The following KCNMA1 variants were observed in gnomAD, a reference collection of about 807,000 sequenced individuals.
KCNMA1 encodes the protein Calcium-activated potassium channel subunit alpha-1.
Under a neutral mutation model 140.0 loss-of-function variants are expected in KCNMA1, and 29 were observed. The observed-to-expected ratio is 0.21, with a 90% CI of 0.15 to 0.28. The LOEUF (loss-of-function observed/expected upper bound fraction) is 0.28, where lower values mean the gene tolerates loss of function less well. Ranked by LOEUF, KCNMA1 falls within the 10% of genes least tolerant of loss-of-function variation. The pLI, the probability that KCNMA1 is intolerant of heterozygous loss-of-function variation, is 1.00. For missense variants in KCNMA1, 880 were observed against 1,602.2 expected, an observed-to-expected ratio of 0.55 and a Z score of 7.70; for synonymous variants, 612 against 611.9, an observed-to-expected ratio of 1.00 and a Z score of 0.00.
intron 23 of KCNMA1, among the ~76,000 whole-genome samples, chr10:76,942,405 T>C (rs2062757455): frequency 6.6e-6 from 1 of 152,136 alleles, no homozygotes; most frequent in South Asian, 2.1e-4. Context: ...AGGTGGAGGG[T>C]ACAAAAACAT....
intron 1 of KCNMA1, among the ~76,000 whole-genome samples, chr10:77,572,470 C>T (rs1413937189): frequency 1.4e-5 from 2 of 146,476 alleles, no homozygotes; most frequent in Non-Finnish European, 3.0e-5. Flanking sequence ...ATCAATAATA[C>T]GTTTGGGAGG....
chr10:76,999,976 A>G (rs566681156), intron 19 of KCNMA1, among the ~76,000 whole-genome samples: 111 of 152,212 alleles, frequency 7.3e-4, no homozygotes, highest in Admixed American at 1.2e-3. Flanking sequence ...CCTGAGCCCT[A>G]GAGGCCTCAT....
chr10:77,371,468 T>A (rs1055290233), intron 2 of KCNMA1, among the ~76,000 whole-genome samples: 5 of 152,184 alleles, frequency 3.3e-5, no homozygotes, highest in African/African-American at 7.2e-5. Flanking sequence ...CCTGGGCTGA[T>A]TTTAATATTT....
intron 25 of KCNMA1, among the ~76,000 whole-genome samples, chr10:76,892,262 G>A (rs146619821): frequency 2.6e-5 from 4 of 152,218 alleles, no homozygotes; most frequent in South Asian, 2.1e-4. Flanking sequence ...TAAATATGCC[G>A]GATAAATTTA....
intron 1 of KCNMA1, among the ~76,000 whole-genome samples, chr10:77,472,411 C>A (rs1014200233): frequency 6.6e-6 from 1 of 150,972 alleles, no homozygotes; most frequent in Non-Finnish European, 1.5e-5. Flanking sequence ...CAGACACATA[C>A]ACATAGCACA....
intron 1 of KCNMA1, among the ~76,000 whole-genome samples, chr10:77,527,461 G>A (rs2056187657): frequency 6.6e-6 from 1 of 152,214 alleles, no homozygotes; most frequent in Non-Finnish European, 1.5e-5. Context: ...GAGAGGGGAA[G>A]AAGGCACTCT....
chr10:77,188,412 T>C (rs1393943955), intron 3 of KCNMA1, among the ~76,000 whole-genome samples: 2 of 152,164 alleles, frequency 1.3e-5, no homozygotes, highest in African/African-American at 4.8e-5. Context: ...TTAGAGAATA[T>C]AAGATACTTG....
intron 2 of KCNMA1, among the ~76,000 whole-genome samples, chr10:77,264,781 C>G (rs2062965832): frequency 6.6e-6 from 1 of 152,166 alleles, no homozygotes; most frequent in Non-Finnish European, 1.5e-5. Flanking sequence ...ACAGCCCCAG[C>G]CTGATCACCA....
intron 20 of KCNMA1, among the ~76,000 whole-genome samples, chr10:76,959,417 T>C (rs1243329183): frequency 6.6e-6 from 1 of 152,230 alleles, no homozygotes; most frequent in African/African-American, 2.4e-5. Flanking sequence ...ACCTATTACT[T>C]GCTAAGTTGT....
At chr10:77,572,592 AT>A (rs2071977187) in intron 1 of KCNMA1, among the ~76,000 whole-genome samples, 1 of 102,294 alleles carries the variant, frequency 9.8e-6, no homozygotes, top group Non-Finnish European at 2.0e-5. Context: ...ATATATATAT[AT>A]ATATATATAT....
At chr10:77,385,688 T>C (rs2095577016) in intron 2 of KCNMA1, among the ~76,000 whole-genome samples, 1 of 152,164 alleles carries the variant, frequency 6.6e-6, no homozygotes, top group African/African-American at 2.4e-5. Context: ...GAGGTAGGAT[T>C]TGAACACATG....
At chr10:76,994,834 C>A (rs2083734011) in intron 19 of KCNMA1, among the ~76,000 whole-genome samples, 1 of 152,148 alleles carries the variant, frequency 6.6e-6, no homozygotes, top group African/African-American at 2.4e-5. Context: ...TGACAAGCAT[C>A]CATCTCCGAT....
chr10:77,222,667 T>G (rs1367792944), intron 3 of KCNMA1, among the ~76,000 whole-genome samples: 1 of 152,234 alleles, frequency 6.6e-6, no homozygotes, highest in Non-Finnish European at 1.5e-5. Context: ...TCTGCTCCTG[T>G]TGTATGGGCT....
chr10:77,121,819 C>A (rs905056704), intron 5 of KCNMA1, among the ~76,000 whole-genome samples: 25 of 152,320 alleles, frequency 1.6e-4, no homozygotes, highest in African/African-American at 6.0e-4. Context: ...AATTATATTT[C>A]TGTTCAGGTG....
chr10:77,537,748 TC>T (rs1176701080), intron 1 of KCNMA1, among the ~76,000 whole-genome samples: 8 of 151,984 alleles, frequency 5.3e-5, no homozygotes, highest in African/African-American at 1.9e-4. Flanking sequence ...TAAGGAGCCA[TC>T]AGAGTCTCGG....
At chr10:77,567,453 C>A (rs190669379) in intron 1 of KCNMA1, among the ~76,000 whole-genome samples, 104 of 152,314 alleles carry the variant, frequency 6.8e-4, no homozygotes, top group East Asian at 5.0e-3. Flanking sequence ...CAAATCCTAG[C>A]CCCTGGAGGA....
At chr10:77,473,723 C>T (rs375670930) in intron 1 of KCNMA1, among the ~76,000 whole-genome samples, 4 of 152,162 alleles carry the variant, frequency 2.6e-5, no homozygotes, top group African/African-American at 7.2e-5. Flanking sequence ...GAATCCCTGA[C>T]TCGACAGAGT....
At chr10:77,118,775 A>AGG (rs1462848759) in intron 6 of KCNMA1, among the ~76,000 whole-genome samples, 5 of 152,168 alleles carry the variant, frequency 3.3e-5, no homozygotes. Context: ...CATCAGCATT[A>AGG]ACCACACCGT....
intron 2 of KCNMA1, among the ~76,000 whole-genome samples, chr10:77,286,778 G>C (rs947981824): frequency 4.1e-5 from 3 of 72,414 alleles, no homozygotes; most frequent in African/African-American, 1.6e-4. Flanking sequence ...GGGGGGGGGG[G>C]GGGGTTCCAT....
Sources: allele counts gnomAD v4.1 joint callset (sites outside exome capture counted in the v4.1 genomes callset), GRCh38; gene constraint gnomAD v4.1.1; transcripts MANE v1.5; gene names NCBI Gene and HGNC (gene_info 2026-07-23, HGNC 2026-07-21).